The following BLTP2 variants were observed in gnomAD, a reference collection of about 807,000 sequenced individuals.
BLTP2 encodes bridge-like lipid transfer protein family member 2.
At chr17:28,633,923 G>C in the BLTP2 span, 9 of 1,614,104 alleles carry the variant, frequency 5.6e-6, no homozygotes, top group Middle Eastern at 1.6e-4. Context: ...ATTTGAGTGG[G>C]GGCATGTTCC....
chr17:28,620,920 C>T, the BLTP2 span: 14 of 1,437,552 alleles, frequency 9.7e-6, no homozygotes, highest in African/African-American at 1.4e-5. Flanking sequence ...GTCTCAAAAC[C>T]ACCAAGGAAA....
At chr17:28,620,344 CTAAG>C in the BLTP2 span, among the ~76,000 whole-genome samples, 1 of 152,136 alleles carries the variant, frequency 6.6e-6, no homozygotes, top group South Asian at 2.1e-4. Flanking sequence ...CAGGCCTTTC[CTAAG>C]TAAGTGGAAT....
chr17:28,644,971 G>A, the BLTP2 span: 8 of 1,563,334 alleles, frequency 5.1e-6, no homozygotes, highest in Middle Eastern at 1.7e-4. Flanking sequence ...CGCCGCCGGC[G>A]CGGCCGGGAA....
At chr17:28,626,725 G>C in the BLTP2 span, among the ~76,000 whole-genome samples, 1 of 152,264 alleles carries the variant, frequency 6.6e-6, no homozygotes, top group Non-Finnish European at 1.5e-5. Flanking sequence ...AGAGGTTCCT[G>C]GGGCATAGCA....
At chr17:28,635,816 C>T in the BLTP2 span, 1 of 523,664 alleles carries the variant, frequency 1.9e-6, no homozygotes, top group Non-Finnish European at 3.3e-6. Flanking sequence ...CATTTAAGAG[C>T]ACTTATACTT....
chr17:28,628,625 T>C, the BLTP2 span: 2 of 1,397,554 alleles, frequency 1.4e-6, no homozygotes, highest in Middle Eastern at 1.9e-4. Flanking sequence ...GAGGCAGTGA[T>C]AAAAGTTTGT....
At chr17:28,620,473 G>C in the BLTP2 span, 1 of 1,610,510 alleles carries the variant, frequency 6.2e-7, no homozygotes, top group Non-Finnish European at 8.5e-7. Flanking sequence ...GTGTTCCTGT[G>C]AGGCTAACCA....
chr17:28,626,766 C>T, the BLTP2 span, among the ~76,000 whole-genome samples: 131 of 152,316 alleles, frequency 8.6e-4, 2 homozygotes, highest in African/African-American at 2.9e-3. Flanking sequence ...AGAAGCTTCC[C>T]GCCACTTCCC....
chr17:28,637,266 T>C, the BLTP2 span: 1 of 934,776 alleles, frequency 1.1e-6, no homozygotes, highest in Non-Finnish European at 1.7e-6. Flanking sequence ...TAACTATCTT[T>C]ATTCCTCATG....
At chr17:28,624,185 T>C in the BLTP2 span, 3 of 1,583,346 alleles carry the variant, frequency 1.9e-6, no homozygotes, top group Middle Eastern at 1.7e-4. Context: ...GGGAACAATA[T>C]GATCATGATC....
chr17:28,640,370 G>A, the BLTP2 span: 2 of 591,842 alleles, frequency 3.4e-6, no homozygotes, highest in Admixed American at 3.2e-5. Context: ...TCCAGCCTGG[G>A]CAACAGAGCA....
the BLTP2 span, chr17:28,617,139 T>G: frequency 8.0e-7 from 1 of 1,244,400 alleles, no homozygotes; most frequent in East Asian, 2.4e-5. Context: ...ATCACCACAT[T>G]GTTTTCCATA....
chr17:28,624,044 T>G, the BLTP2 span: 16 of 1,407,230 alleles, frequency 1.1e-5, no homozygotes, highest in Non-Finnish European at 1.6e-5. Flanking sequence ...CCACTGCAGC[T>G]AGGTCTAATG....
chr17:28,626,008 C>T, the BLTP2 span, among the ~76,000 whole-genome samples: 2 of 152,206 alleles, frequency 1.3e-5, no homozygotes, highest in Non-Finnish European at 2.9e-5. Context: ...CGTGATCCAT[C>T]CGCCTCGGCC....
At chr17:28,623,380 A>G in the BLTP2 span, among the ~76,000 whole-genome samples, 1 of 152,184 alleles carries the variant, frequency 6.6e-6, no homozygotes, top group Non-Finnish European at 1.5e-5. Flanking sequence ...TGAAATAACC[A>G]ATCAGTCATT....
the BLTP2 span, among the ~76,000 whole-genome samples, chr17:28,629,759 G>A: frequency 6.6e-5 from 10 of 151,774 alleles, no homozygotes; most frequent in Admixed American, 5.9e-4. Flanking sequence ...GATTACAGTC[G>A]TGAGCCACTA....
At chr17:28,618,735 G>T in the BLTP2 span, 2 of 1,433,798 alleles carry the variant, frequency 1.4e-6, no homozygotes, top group Non-Finnish European at 1.9e-6. Context: ...AGACTCCTAA[G>T]CTAGGTCAAT....
chr17:28,619,848 T>C, the BLTP2 span: 1 of 1,613,758 alleles, frequency 6.2e-7, no homozygotes, highest in Non-Finnish European at 8.5e-7. Context: ...ACTATCTATC[T>C]GCAGTGACTA....
chr17:28,628,418 G>A, the BLTP2 span: 4 of 1,614,174 alleles, frequency 2.5e-6, no homozygotes, highest in Non-Finnish European at 2.5e-6. Context: ...GAAAGATTAC[G>A]TTTGAGTACA....
Sources: gnomAD v4.1 joint callset for allele counts (sites outside exome capture counted in the v4.1 genomes callset) on GRCh38, gnomAD v4.1.1 for gene constraint, MANE v1.5 for transcripts, NCBI Gene and HGNC (gene_info 2026-07-23, HGNC 2026-07-21) for gene names.